Variants in DPP6 observed in about 807,000 individuals in gnomAD.
The protein encoded by DPP6 is A-type potassium channel modulatory protein DPP6.
Under a neutral mutation model 122.6 loss-of-function variants are expected in DPP6, and 69 were observed. That is an observed-to-expected ratio of 0.56 (90% CI 0.46 to 0.69). DPP6 has a LOEUF of 0.69. DPP6 is among the 30% of genes least tolerant of loss of function. The pLI is 0.00. For missense variants in DPP6, 928 were observed against 1,116.9 expected, an observed-to-expected ratio of 0.83 and a Z score of 2.41; for synonymous variants, 418 against 433.1, an observed-to-expected ratio of 0.97 and a Z score of 0.43.
At chr7:153,894,084 A>G (rs1799311250) in intron 1 of DPP6, among the ~76,000 whole-genome samples, 1 of 152,176 alleles carries the variant, frequency 6.6e-6, no homozygotes, top group East Asian at 1.9e-4. Context: ...CAACTCACAC[A>G]TTGAGTTGCT....
chr7:154,085,152 C>T (rs551121687), intron 1 of DPP6, among the ~76,000 whole-genome samples: 16 of 152,130 alleles, frequency 1.1e-4, no homozygotes, highest in African/African-American at 3.4e-4. Flanking sequence ...ACCAGCAATC[C>T]GTGGACAGGC....
the DPP6 span, among the ~76,000 whole-genome samples, chr7:153,775,066 A>G: frequency 3.0e-4 from 45 of 150,346 alleles, no homozygotes; most frequent in South Asian, 7.1e-3. Flanking sequence ...GGCCATCACT[A>G]ATGTAATACC....
At position 153,981,130 on chromosome 7, in the gene DPP6, A is replaced by G. The variant is rs780299452; in HGVS notation, c.51+93396A>G. Among the ~76,000 whole-genome samples, 22 of 152,148 alleles carry G rather than the reference A, an allele frequency of 1.4e-4. 1 individual carries two copies. Among genetic ancestry groups the G allele is most frequent in the Non-Finnish European group, 2.5e-4 (17 of 68,032 alleles). On this transcript the variant is annotated intron_variant, in intron 1 of 25. Coordinates refer to the DPP6 transcript ENST00000404039. ...AATTTTATGTCTCCTTCATCTGTCTAATATTGACAGTGAGATGTTGAAGTA... is the reference window on the plus strand; with the variant it reads ...AATTTTATGTCTCCTTCATCTGTCTGATATTGACAGTGAGATGTTGAAGTA...
At chr7:154,520,879 AATAT>A in intron 3 of DPP6, among the ~76,000 whole-genome samples, 1 of 152,308 alleles carries the variant, frequency 6.6e-6, no homozygotes, top group Non-Finnish European at 1.5e-5. Context: ...AGTAACGCAA[AATAT>A]AAGTGCCCAT....
intron 1 of DPP6, among the ~76,000 whole-genome samples, chr7:154,308,432 T>C (rs1806565234): frequency 6.6e-6 from 1 of 152,314 alleles, no homozygotes; most frequent in African/African-American, 2.4e-5. Flanking sequence ...TCTCTTTCTC[T>C]TTGGAGATGC....
chr7:153,777,608 C>T, the DPP6 span, among the ~76,000 whole-genome samples: 25 of 105,768 alleles, frequency 2.4e-4, no homozygotes, highest in African/African-American at 1.1e-3. Context: ...ATCTTAAATG[C>T]ATTTTGCTAC....
At chr7:154,470,220 C>T (rs913066536) in intron 2 of DPP6, among the ~76,000 whole-genome samples, 1 of 152,214 alleles carries the variant, frequency 6.6e-6, no homozygotes, top group Non-Finnish European at 1.5e-5. Flanking sequence ...ACCGATTCCT[C>T]ACACATCTTT....
the DPP6 span, among the ~76,000 whole-genome samples, chr7:153,814,094 G>A: frequency 6.6e-6 from 1 of 152,082 alleles, no homozygotes; most frequent in Non-Finnish European, 1.5e-5. Context: ...TGAAGTCCTT[G>A]CCCATGCCTA....
intron 5 of DPP6, among the ~76,000 whole-genome samples, chr7:154,617,984 T>C (rs942503524): frequency 3.9e-5 from 6 of 152,068 alleles, no homozygotes; most frequent in African/African-American, 1.4e-4. Context: ...AGCTAGGCCA[T>C]AGGGGCTGCA....
chr7:154,340,938 T>C (rs1038186356), intron 1 of DPP6, among the ~76,000 whole-genome samples: 19 of 152,186 alleles, frequency 1.2e-4, no homozygotes, highest in African/African-American at 3.9e-4. Context: ...TTGAAAAACA[T>C]TTCCCTTGAG....
chr7:153,827,084 G>C, the DPP6 span, among the ~76,000 whole-genome samples: 485 of 151,870 alleles, frequency 3.2e-3, 1 homozygote, highest in African/African-American at 0.011. Context: ...AAATTAGAAG[G>C]CATAAATAAA....
At chr7:154,543,748 C>T (rs1828917529) in intron 4 of DPP6, among the ~76,000 whole-genome samples, 1 of 152,056 alleles carries the variant, frequency 6.6e-6, no homozygotes, top group African/African-American at 2.4e-5. Flanking sequence ...AATTCCAGCA[C>T]TTTGAGAGGC....
intron 1 of DPP6, among the ~76,000 whole-genome samples, chr7:154,188,480 A>G (rs1454967935): frequency 6.6e-6 from 1 of 152,104 alleles, no homozygotes; most frequent in Admixed American, 6.5e-5. Flanking sequence ...GGGGTGAGAG[A>G]CAAATAGTAA....
chr7:154,081,587 C>A (rs543024479), intron 1 of DPP6, among the ~76,000 whole-genome samples: 3 of 148,144 alleles, frequency 2.0e-5, no homozygotes, highest in Non-Finnish European at 4.4e-5. Context: ...GCAATGAAGG[C>A]TTCTAGGAAA....
chr7:154,556,916 A>G (rs1830084461), intron 4 of DPP6, among the ~76,000 whole-genome samples: 1 of 68,406 alleles, frequency 1.5e-5, no homozygotes, highest in Non-Finnish European at 4.1e-5. Flanking sequence ...ACGTTCAGGA[A>G]TGTGTTAGAT....
intron 4 of DPP6, among the ~76,000 whole-genome samples, chr7:154,544,140 T>TA (rs1828970245): frequency 6.9e-6 from 1 of 145,600 alleles, no homozygotes; most frequent in African/African-American, 2.5e-5. Context: ...TATATGTATT[T>TA]TATATATATA....
At chr7:154,060,650 C>G (rs1801662368) in intron 1 of DPP6, among the ~76,000 whole-genome samples, 1 of 148,896 alleles carries the variant, frequency 6.7e-6, no homozygotes, top group Non-Finnish European at 1.5e-5. Context: ...GGGAGGCACC[C>G]CCCACGAGAG....
chr7:154,110,471 A>G (rs1806492870), intron 1 of DPP6, among the ~76,000 whole-genome samples: 2 of 152,308 alleles, frequency 1.3e-5, no homozygotes, highest in East Asian at 3.9e-4. Context: ...TGAATATACA[A>G]TAACAGCCAG....
At chr7:154,851,914 C>A (rs1290606104) in intron 16 of DPP6, among the ~76,000 whole-genome samples, 1 of 152,130 alleles carries the variant, frequency 6.6e-6, no homozygotes, top group Non-Finnish European at 1.5e-5. Context: ...GGGGTAGAGA[C>A]TGGATCCAGT....
Sources: gnomAD v4.1 joint callset for allele counts (sites outside exome capture counted in the v4.1 genomes callset) on GRCh38, gnomAD v4.1.1 for gene constraint, MANE v1.5 for transcripts, NCBI Gene and HGNC (gene_info 2026-07-23, HGNC 2026-07-21) for gene names.